The following BORCS5 variants were observed in gnomAD, a reference collection of about 807,000 sequenced individuals.
BORCS5 encodes the protein BLOC-1 related complex subunit 5.
Under a neutral mutation model 22.1 loss-of-function variants are expected in BORCS5, and 17 were observed. The ratio of observed to expected loss-of-function variants is 0.77; its 90% confidence interval spans 0.53 to 1.15. The LOEUF (loss-of-function observed/expected upper bound fraction) is 1.15. BORCS5 is among the 50% of genes most tolerant of loss of function. The pLI is 0.00. For synonymous variants in BORCS5, 117 were observed against 99.8 expected (o/e 1.17, Z -1.03); for missense variants, 247 against 253.2 (o/e 0.98, Z 0.17).
At chr12:12,384,425 T>C (rs1863838306) in intron 2 of BORCS5, among the ~76,000 whole-genome samples, 2 of 149,820 alleles carry the variant, frequency 1.3e-5, no homozygotes, top group African/African-American at 2.5e-5. Flanking sequence ...GTCTGCTGTA[T>C]CTAGTATCTT....
At chr12:12,439,147 C>A (rs913784101) in intron 3 of BORCS5, among the ~76,000 whole-genome samples, 2 of 152,186 alleles carry the variant, frequency 1.3e-5, no homozygotes, top group African/African-American at 4.8e-5. Context: ...ATTCATTCAG[C>A]ATAGCTGAGG....
At chr12:12,453,710 C>G (rs1044808446) in intron 3 of BORCS5, among the ~76,000 whole-genome samples, 1 of 152,152 alleles carries the variant, frequency 6.6e-6, no homozygotes, top group African/African-American at 2.4e-5. Flanking sequence ...GTAGTTCACC[C>G]TTTTACAGTG....
chr12:12,401,978 A>C (rs1941489698), intron 2 of BORCS5, among the ~76,000 whole-genome samples: 1 of 151,050 alleles, frequency 6.6e-6, no homozygotes, highest in African/African-American at 2.4e-5. Flanking sequence ...AGGCAGGAGA[A>C]TGGCGTGAAC....
At chr12:12,370,449 A>G (rs1416346153) in intron 2 of BORCS5, among the ~76,000 whole-genome samples, 1 of 152,122 alleles carries the variant, frequency 6.6e-6, no homozygotes, top group Non-Finnish European at 1.5e-5. Flanking sequence ...TCATTTTTTA[A>G]TCTACCTTTA....
intron 2 of BORCS5, among the ~76,000 whole-genome samples, chr12:12,381,378 T>C (rs1401348480): frequency 6.6e-6 from 1 of 151,482 alleles, no homozygotes; most frequent in African/African-American, 2.4e-5. Flanking sequence ...TTGTGTGTGT[T>C]GTGTAAAGGT....
Position 12,435,661 on chromosome 12 carries a change from C to T in BORCS5, c.236C>T (p.Ala79Val). 2 of 1,613,802 alleles carry T rather than the reference C, an allele frequency of 1.2e-6. No homozygotes were observed. Among genetic ancestry groups the T allele is most frequent in the Middle Eastern group, 1.6e-4 (1 of 6,062 alleles). The change falls in exon 3 of 4, where the codon GCC becomes GTC. Residue 79 changes from alanine (A) to valine (V), a missense_variant. Transcript: ENST00000314565. Reference protein sequence around the residue: ...LLSGQTSPTNAKLEKLDSQQV... With the variant: ...LLSGQTSPTNVKLEKLDSQQV... ...AGTGGCCAGACTTCCCCAACAAATG[C>T]CAAATTGGAGAAACTGGACTCTCAG...
chr12:12,415,793 C>T (rs561817223), intron 2 of BORCS5, among the ~76,000 whole-genome samples: 1 of 151,924 alleles, frequency 6.6e-6, no homozygotes, highest in South Asian at 2.1e-4. Context: ...GTTTTCTTTT[C>T]TTGTAGTGTT....
At chr12:12,379,386 T>A (rs57507136) in intron 2 of BORCS5, among the ~76,000 whole-genome samples, 21,366 of 151,336 alleles carry the variant, frequency 0.14, 4,932 homozygotes, top group African/African-American at 0.47. Context: ...TAGTGCTGGG[T>A]TTACAGGCAT....
chr12:12,421,766 T>C (rs1942128271), intron 2 of BORCS5, among the ~76,000 whole-genome samples: 1 of 152,224 alleles, frequency 6.6e-6, no homozygotes, highest in African/African-American at 2.4e-5. Flanking sequence ...ATCTTCTTCC[T>C]GGTTTAGTCT....
rs111593122 is a variant in BORCS5 at position 12,423,248 on chromosome 12, C to A, written c.203-12380C>A. Reference sequence around the variant, plus strand: ...CAATCTCCTGACCTCGTGATCCACCCTCCTTGGCATCCCAAAGTGCTGGGA... The same window carrying A: ...CAATCTCCTGACCTCGTGATCCACCATCCTTGGCATCCCAAAGTGCTGGGA... On this transcript the variant is annotated intron_variant, in intron 2 of 3. Coordinates refer to ENST00000314565, the MANE Select transcript of BORCS5 (RefSeq NM_058169.6). Among the ~76,000 whole-genome samples the A allele has an allele frequency of 8.1e-3, 1,230 of 152,124 alleles. 18 individuals are homozygous for A. Among genetic ancestry groups the A allele is most frequent in the African/African-American group, 0.027 (1,112 of 41,516 alleles).
intron 3 of BORCS5, among the ~76,000 whole-genome samples, chr12:12,461,077 T>C (rs565096475): frequency 6.6e-6 from 1 of 152,152 alleles, no homozygotes; most frequent in South Asian, 2.1e-4. Flanking sequence ...GCCCCAGAGA[T>C]GGTATATGAA....
chr12:12,421,080 C>T (rs543231015), intron 2 of BORCS5, among the ~76,000 whole-genome samples: 18 of 152,280 alleles, frequency 1.2e-4, no homozygotes, highest in Admixed American at 4.6e-4. Context: ...GAACTTCCAA[C>T]ACTGTGTTGA....
Position 12,466,133 on chromosome 12 carries a change from A to G in BORCS5, c.*357A>G, listed in dbSNP as rs1943198376. 1 of 188,998 alleles carries G rather than the reference A, an allele frequency of 5.3e-6. No individual in the cohort carries two copies. Among genetic ancestry groups the G allele is most frequent in the Non-Finnish European group, 1.1e-5 (1 of 92,566 alleles). 11.7% of individuals were successfully genotyped at this position (188,998 alleles called of 1,614,324 possible). A position where few individuals can be genotyped will look rare whatever the true frequency, so the allele number is the denominator to read the frequency against. The stretch of plus-strand genomic sequence containing the variant: ...GGTACCGGAATAAAAATATGGAGAC[A>G]AGGGGAAAATATTTTACGAAGCTCT... On this transcript the variant is annotated 3_prime_UTR_variant, in exon 4 of 4. Transcript: ENST00000314565.
At chr12:12,418,251 G>A (rs1373960097) in intron 2 of BORCS5, among the ~76,000 whole-genome samples, 2 of 151,052 alleles carry the variant, frequency 1.3e-5, no homozygotes, top group African/African-American at 4.9e-5. Flanking sequence ...GTGTTGCCAG[G>A]ATGGTCTCAA....
chr12:12,365,751 A>G (rs756078189), intron 2 of BORCS5, among the ~76,000 whole-genome samples: 4 of 152,208 alleles, frequency 2.6e-5, no homozygotes, highest in African/African-American at 4.8e-5. Context: ...ATGCTTCTAC[A>G]TAATAGCTAT....
Position 12,468,660 on chromosome 12 carries a change from A to G in BORCS5, c.*2884A>G, listed in dbSNP as rs1943239637. 6.6e-6 allele frequency: 1 copy of G among 152,196 alleles called. No homozygotes were observed. Among genetic ancestry groups the G allele is most frequent in the Admixed American group, 6.5e-5 (1 of 15,276 alleles). 9.4% of individuals were successfully genotyped at this position (152,196 alleles called of 1,614,324 possible). On this transcript the variant is annotated 3_prime_UTR_variant, in exon 4 of 4. Coordinates refer to ENST00000314565, the MANE Select transcript of BORCS5 (RefSeq NM_058169.6). ...GGTAGTGACTAAATTCCGAGCTCCC[A>G]AGGTGCAGCTGCTTTTCTTCCTTTT...
At chr12:12,361,408 A>G (rs1318485821) in intron 2 of BORCS5, 59 bp downstream of exon 2, 16 of 1,574,938 alleles carry the variant, frequency 1.0e-5, no homozygotes, top group Non-Finnish European at 1.4e-5. Context: ...TAGCCCTACT[A>G]CTTTCCCTCT....
intron 2 of BORCS5, among the ~76,000 whole-genome samples, chr12:12,434,093 A>C (rs952588689): frequency 5.3e-5 from 8 of 151,672 alleles, no homozygotes; most frequent in African/African-American, 1.9e-4. Flanking sequence ...TTCGAGACCA[A>C]CCTGGGCAGC....
Position 12,357,237 on chromosome 12 carries a change from C to T in BORCS5, c.-215C>T, listed in dbSNP as rs1256918676. The T allele has an allele frequency of 4.1e-6, 6 of 1,473,108 alleles. No individual in the cohort carries two copies. Among genetic ancestry groups the T allele is most frequent in the South Asian group, 1.3e-5 (1 of 75,390 alleles). 91.3% of individuals were successfully genotyped at this position (1,473,108 alleles called of 1,614,324 possible). A position where few individuals can be genotyped will look rare whatever the true frequency, so the allele number is the denominator to read the frequency against. On this transcript the variant is annotated 5_prime_UTR_variant, in exon 1 of 4. Coordinates refer to ENST00000314565, the MANE Select transcript of BORCS5 (RefSeq NM_058169.6). ...AGCCGCGTGCGTTCGCGCCGCGCCT[C>T]CTTGCGTTTCTGTTCCCCAAATAGG...
Sources: gnomAD v4.1 joint callset for allele counts (sites outside exome capture counted in the v4.1 genomes callset) on GRCh38, gnomAD v4.1.1 for gene constraint, MANE v1.5 for transcripts, NCBI Gene and HGNC (gene_info 2026-07-23, HGNC 2026-07-21) for gene names.